Variants in DLG2 observed in about 807,000 individuals in gnomAD.
DLG2 encodes disks large homolog 2.
Under a neutral mutation model 132.5 loss-of-function variants are expected in DLG2, and 45 were observed. That is an observed-to-expected ratio of 0.34 (90% CI 0.27 to 0.44). The LOEUF is 0.44. Among genes scored for constraint, DLG2 ranks in the 20% least tolerant of loss-of-function variants. DLG2 has a pLI of 1.00. For synonymous variants in DLG2, 424 were observed against 419.6 expected (o/e 1.01, Z -0.13); for missense variants, 1,045 against 1,196.9 (o/e 0.87, Z 1.87).
chr11:84,369,903 C>T (rs1386273287), intron 7 of DLG2, among the ~76,000 whole-genome samples: 1 of 152,158 alleles, frequency 6.6e-6, no homozygotes, highest in East Asian at 1.9e-4. Context: ...TTTATCCCTT[C>T]ACCTTACTAA....
chr11:83,803,975 G>A (rs2045221961), intron 17 of DLG2, among the ~76,000 whole-genome samples: 1 of 152,004 alleles, frequency 6.6e-6, no homozygotes, highest in Admixed American at 6.6e-5. Context: ...ACATTCTTTT[G>A]TGTTTGGGCT....
chr11:84,826,176 G>A (rs116719582), intron 6 of DLG2, among the ~76,000 whole-genome samples: 3,712 of 151,808 alleles, frequency 0.024, 167 homozygotes, highest in African/African-American at 0.086. Context: ...ATCACCTCAA[G>A]CATTTATCCT....
intron 6 of DLG2, among the ~76,000 whole-genome samples, chr11:84,951,090 T>G (rs1309367962): frequency 6.6e-6 from 1 of 152,210 alleles, no homozygotes; most frequent in Non-Finnish European, 1.5e-5. Flanking sequence ...AGTTTAGTTT[T>G]GCCAGAAGCA....
At chr11:83,932,311 T>G (rs1244511974) in intron 14 of DLG2, among the ~76,000 whole-genome samples, 1 of 151,938 alleles carries the variant, frequency 6.6e-6, no homozygotes, top group African/African-American at 2.4e-5. Flanking sequence ...CTCGGCTCAC[T>G]GCAAACTCCG....
At chr11:83,801,448 T>A (rs1444088096) in intron 17 of DLG2, among the ~76,000 whole-genome samples, 2 of 152,218 alleles carry the variant, frequency 1.3e-5, no homozygotes, top group Non-Finnish European at 1.5e-5. Context: ...GGGCTCTGCC[T>A]ATCCCTCTTA....
At chr11:84,195,966 T>A (rs75954257) in intron 8 of DLG2, among the ~76,000 whole-genome samples, 7,312 of 152,280 alleles carry the variant, frequency 0.048, 211 homozygotes, top group Non-Finnish European at 0.06. Flanking sequence ...ACCAACAATG[T>A]ATACATGTTG....
chr11:83,516,108 T>A (rs1478984020), intron 21 of DLG2, among the ~76,000 whole-genome samples: 1 of 152,240 alleles, frequency 6.6e-6, no homozygotes, highest in East Asian at 1.9e-4. Flanking sequence ...TTGATCTGTC[T>A]AATGTTGTCA....
chr11:83,586,520 G>A (rs478946), intron 19 of DLG2, among the ~76,000 whole-genome samples: 47,316 of 151,998 alleles, frequency 0.31, 8,473 homozygotes, highest in Admixed American at 0.47. Context: ...AAATATCAGC[G>A]TATTAGGTTC....
chr11:85,472,545 G>A lies in DLG2; in HGVS notation c.40+126112C>T, dbSNP rs532656482. ...GATCTCTTGACCTCGTGATCCACCCGCCTTGGCCTCCTAAAGTGCTGGGAT... is the reference window on the plus strand; with the variant it reads ...GATCTCTTGACCTCGTGATCCACCCACCTTGGCCTCCTAAAGTGCTGGGAT... On this transcript the variant is annotated intron_variant, in intron 3 of 27. Coordinates refer to ENST00000376104, the MANE Select transcript of DLG2 (RefSeq NM_001142699.3). Among the ~76,000 whole-genome samples, 352 of 152,176 alleles carry A rather than the reference G, an allele frequency of 2.3e-3. 1 individual carries two copies. Among genetic ancestry groups the A allele is most frequent in the South Asian group, 9.3e-3 (45 of 4,820 alleles).
At chr11:84,258,463 A>G (rs1489693260) in intron 7 of DLG2, among the ~76,000 whole-genome samples, 1 of 152,254 alleles carries the variant, frequency 6.6e-6, no homozygotes, top group Non-Finnish European at 1.5e-5. Flanking sequence ...TAAAGTATTA[A>G]GCATATATAA....
chr11:85,583,665 C>T (rs1285942137), intron 3 of DLG2, among the ~76,000 whole-genome samples: 2 of 152,164 alleles, frequency 1.3e-5, no homozygotes, highest in East Asian at 3.9e-4. Flanking sequence ...CATTCTCTAA[C>T]TCTTCTATCT....
chr11:84,827,340 T>C (rs1275026285), intron 6 of DLG2, among the ~76,000 whole-genome samples: 3 of 151,262 alleles, frequency 2.0e-5, no homozygotes, highest in Admixed American at 1.3e-4. Flanking sequence ...AGAAGACAGC[T>C]CAGAAACCAG....
At position 83,559,317 on chromosome 11, in the gene DLG2, T is replaced by C. The variant is rs189583204; in HGVS notation, c.1941-17459A>G. ...TGGAGGCCTGATCAGGGCTTTCAAATTTGTCATTCTCCATGTGAAGGGAGA... is the reference window on the plus strand; with the variant it reads ...TGGAGGCCTGATCAGGGCTTTCAAACTTGTCATTCTCCATGTGAAGGGAGA... On this transcript the variant is annotated intron_variant, in intron 19 of 27. Coordinates refer to ENST00000376104, the MANE Select transcript of DLG2 (RefSeq NM_001142699.3). 8.3e-4 allele frequency among the ~76,000 whole-genome samples: 127 copies of C among 152,292 alleles called. 1 individual carries two copies. Among genetic ancestry groups the C allele is most frequent in the African/African-American group, 3.0e-3 (124 of 41,550 alleles).
intron 6 of DLG2, among the ~76,000 whole-genome samples, chr11:84,733,871 C>A (rs2063482040): frequency 6.6e-6 from 1 of 152,120 alleles, no homozygotes; most frequent in Non-Finnish European, 1.5e-5. Context: ...GCCAGTTGTC[C>A]CAGCACCATT....
chr11:85,122,949 T>TTATATATATATATATATATTATA (rs2074526943), intron 5 of DLG2, among the ~76,000 whole-genome samples: 2 of 48,154 alleles, frequency 4.2e-5, no homozygotes, highest in Non-Finnish European at 7.0e-5. Flanking sequence ...TGTATATATA[T>TTATATATATATATATATATTATA]TATATATATA....
chr11:84,644,085 T>C (rs2099671476), intron 6 of DLG2, among the ~76,000 whole-genome samples: 1 of 152,190 alleles, frequency 6.6e-6, no homozygotes, highest in South Asian at 2.1e-4. Context: ...TATTTTTTGC[T>C]TCCCCAATAC....
At chr11:84,127,800 T>C (rs1463903837) in intron 9 of DLG2, among the ~76,000 whole-genome samples, 1 of 152,122 alleles carries the variant, frequency 6.6e-6, no homozygotes, top group Non-Finnish European at 1.5e-5. Context: ...AAATTTCCCT[T>C]TTCTGTAAGA....
intron 18 of DLG2, among the ~76,000 whole-genome samples, chr11:83,642,522 C>T (rs907394089): frequency 6.6e-6 from 1 of 152,152 alleles, no homozygotes; most frequent in Non-Finnish European, 1.5e-5. Context: ...AGGCAAATAA[C>T]AATCTGAATC....
chr11:84,301,615 T>C (rs7938638), intron 7 of DLG2, among the ~76,000 whole-genome samples: 66,999 of 139,760 alleles, frequency 0.48, 15,863 homozygotes, highest in East Asian at 0.62. Context: ...GCCGAGATCA[T>C]GCCACTGCAC....
Sources: gnomAD v4.1 joint callset for allele counts (sites outside exome capture counted in the v4.1 genomes callset) on GRCh38, gnomAD v4.1.1 for gene constraint, MANE v1.5 for transcripts, NCBI Gene and HGNC (gene_info 2026-07-23, HGNC 2026-07-21) for gene names.